Variants in GRIN3A observed in about 807,000 individuals in gnomAD.
GRIN3A encodes the protein glutamate receptor ionotropic, NMDA 3A.
Under a neutral mutation model 92.4 loss-of-function variants are expected in GRIN3A, and 47 were observed. That is an observed-to-expected ratio of 0.51 (90% confidence interval 0.40 to 0.65). The LOEUF is 0.65. Ranked by LOEUF, GRIN3A falls within the 30% of genes least tolerant of loss-of-function variation. The pLI, the probability that GRIN3A is intolerant of heterozygous loss-of-function variation, is 0.00. For missense variants in GRIN3A, 1,324 were observed against 1,393.1 expected, an observed-to-expected ratio of 0.95 and a Z score of 0.79; for synonymous variants, 527 against 540.6, an observed-to-expected ratio of 0.97 and a Z score of 0.35.
chr9:101,729,529 G>T (rs561593629), intron 1 of GRIN3A, among the ~76,000 whole-genome samples: 3 of 152,190 alleles, frequency 2.0e-5, no homozygotes, highest in African/African-American at 7.2e-5. Context: ...CTCTGACCTT[G>T]ACTTCTTCTG....
intron 1 of GRIN3A, among the ~76,000 whole-genome samples, chr9:101,716,388 C>A (rs1397042548): frequency 6.6e-6 from 1 of 152,158 alleles, no homozygotes; most frequent in African/African-American, 2.4e-5. Context: ...TGTCATTAAT[C>A]CACTTGATAT....
chr9:101,720,208 A>G (rs376778880), intron 1 of GRIN3A, among the ~76,000 whole-genome samples: 86 of 152,354 alleles, frequency 5.6e-4, no homozygotes, highest in African/African-American at 2.0e-3. Context: ...CTAACTTTCC[A>G]GAATTGAAGC....
chr9:101,600,525 G>A (rs1413740061), intron 6 of GRIN3A, among the ~76,000 whole-genome samples: 1 of 152,176 alleles, frequency 6.6e-6, no homozygotes, highest in Non-Finnish European at 1.5e-5. Flanking sequence ...GGTACCAGGA[G>A]AGTTTGGACA....
chr9:101,620,405 T>C (rs1828534192), intron 5 of GRIN3A, among the ~76,000 whole-genome samples: 2 of 152,226 alleles, frequency 1.3e-5, no homozygotes, highest in South Asian at 2.1e-4. Flanking sequence ...GGTTTCAACA[T>C]ATGAATCTGG....
intron 3 of GRIN3A, among the ~76,000 whole-genome samples, chr9:101,637,317 T>C (rs966409793): frequency 2.6e-5 from 4 of 152,070 alleles, no homozygotes; most frequent in Non-Finnish European, 5.9e-5. Flanking sequence ...ATGGTCTCCA[T>C]CTCCTGACCT....
chr9:101,617,932 A>G (rs954855702), intron 5 of GRIN3A, among the ~76,000 whole-genome samples: 3 of 151,806 alleles, frequency 2.0e-5, no homozygotes, highest in African/African-American at 7.3e-5. Context: ...TTTACTGAGA[A>G]TGATGATTTC....
chr9:101,643,381 A>G (rs1052323190), intron 3 of GRIN3A, among the ~76,000 whole-genome samples: 1 of 152,100 alleles, frequency 6.6e-6, no homozygotes, highest in Non-Finnish European at 1.5e-5. Flanking sequence ...GATGACTATT[A>G]TCAAAAGTTG....
chr9:101,573,773 ATTT>A (rs5899448), intron 8 of GRIN3A, among the ~76,000 whole-genome samples: 43 of 92,606 alleles, frequency 4.6e-4, no homozygotes, highest in South Asian at 7.9e-4. Flanking sequence ...GGTATGGTGC[ATTT>A]TTTTTTTTTT....
At chr9:101,671,428 G>T (rs535645049) in intron 2 of GRIN3A, among the ~76,000 whole-genome samples, 1 of 152,180 alleles carries the variant, frequency 6.6e-6, no homozygotes, top group East Asian at 1.9e-4. Flanking sequence ...ACTGTTAATT[G>T]CATATTCTCA....
chr9:101,606,404 A>AGGT (rs1193406130), intron 6 of GRIN3A, among the ~76,000 whole-genome samples: 1 of 152,134 alleles, frequency 6.6e-6, no homozygotes, highest in East Asian at 1.9e-4. Flanking sequence ...TCTTCCAGGC[A>AGGT]GGTCACTGTC....
intron 3 of GRIN3A, among the ~76,000 whole-genome samples, chr9:101,656,286 T>C (rs1829087784): frequency 6.6e-6 from 1 of 151,772 alleles, no homozygotes; most frequent in Non-Finnish European, 1.5e-5. Flanking sequence ...AGGTCCATTA[T>C]CCAAGATGTC....
intron 6 of GRIN3A, among the ~76,000 whole-genome samples, chr9:101,612,299 G>A (rs1035000152): frequency 1.3e-5 from 2 of 152,212 alleles, no homozygotes; most frequent in African/African-American, 4.8e-5. Context: ...TGGAAGATGA[G>A]ATGTGGGAGG....
chr9:101,657,637 C>T (rs573281504), intron 3 of GRIN3A, among the ~76,000 whole-genome samples: 20 of 151,936 alleles, frequency 1.3e-4, no homozygotes, highest in African/African-American at 4.1e-4. Flanking sequence ...TGTCTAACTG[C>T]AGGGGAGAAA....
intron 4 of GRIN3A, among the ~76,000 whole-genome samples, chr9:101,624,967 G>C (rs563485197): frequency 6.6e-6 from 1 of 152,154 alleles, no homozygotes; most frequent in Non-Finnish European, 1.5e-5. Flanking sequence ...AAATCAGTGA[G>C]AGTAGAAGAG....
At chr9:101,704,753 G>A (rs1829792467) in intron 1 of GRIN3A, among the ~76,000 whole-genome samples, 1 of 152,146 alleles carries the variant, frequency 6.6e-6, no homozygotes, top group Non-Finnish European at 1.5e-5. Context: ...GCTAGGCTAG[G>A]CAATGATGTT....
chr9:101,616,748 G>T, intron 5 of GRIN3A, among the ~76,000 whole-genome samples: 1 of 109,288 alleles, frequency 9.2e-6, no homozygotes, highest in Non-Finnish European at 1.8e-5. Context: ...TGGTGGGGTG[G>T]GGGGAGGGGG....
In GRIN3A at chr9:101,686,738, A is replaced by T. The variant is rs757911224; in HGVS notation, c.1162T>A (p.Tyr388Asn). 29 of 1,614,186 alleles carry T rather than the reference A, an allele frequency of 1.8e-5. 1 individual carries two copies. Among genetic ancestry groups the T allele is most frequent in the Middle Eastern group, 1.6e-4 (1 of 6,062 alleles). The change falls in exon 2 of 9, where the codon TAC becomes AAC. Residue 388 changes from tyrosine to asparagine, a missense_variant. Transcript: ENST00000361820. ...ACCAGCTCCATAGCATCTTGTACGT[A>T]GTGCTCAAAGACAGACTGTGTTGTT... is the stretch of plus-strand genomic sequence containing the variant. ...GKTTQSVFEH[Y>N]VQDAMELVAR...
In GRIN3A at chr9:101,695,250, T is replaced by C. The variant is rs770928384; in HGVS notation, c.700-8050A>G. Among the ~76,000 whole-genome samples, 59 of 152,270 alleles carry C rather than the reference T, an allele frequency of 3.9e-4. 1 individual carries two copies. The highest frequency in any genetic ancestry group is 1.7e-3 in the Admixed American group (26 of 15,278). On this transcript the variant is annotated intron_variant, in intron 1 of 8. Transcript: ENST00000361820. ...GCATTCAGTTCATTTAACAAGCACT[T>C]GAGTACCTATTTTGTGTCAGGCACT...
At chr9:101,615,194 TAA>T (rs534330972) in intron 5 of GRIN3A, among the ~76,000 whole-genome samples, 2 of 133,912 alleles carry the variant, frequency 1.5e-5, no homozygotes. Flanking sequence ...GACAGAATAG[TAA>T]AAAAAAAAAC....
Sources: allele counts gnomAD v4.1 joint callset (sites outside exome capture counted in the v4.1 genomes callset), GRCh38; gene constraint gnomAD v4.1.1; transcripts MANE v1.5; gene names NCBI Gene and HGNC (gene_info 2026-07-23, HGNC 2026-07-21).